Variants in POLL observed in about 807,000 individuals in gnomAD.
POLL encodes the protein DNA polymerase beta-2.
POLL carries 44 observed loss-of-function variants against 58.1 expected under a neutral mutation model. The observed-to-expected ratio is 0.76, with a 90% confidence interval of 0.60 to 0.97. The LOEUF is 0.97. Ranked by LOEUF, POLL falls within the 50% of genes least tolerant of loss-of-function variation. The pLI is 0.00. For synonymous variants in POLL, 290 were observed against 283.2 expected (o/e 1.02, Z -0.24); for missense variants, 632 against 736.8 (o/e 0.86, Z 1.65).
rs1457080629 is a variant in POLL at position 101,587,850 on chromosome 10, G to A, written c.-75C>T. On this transcript the variant is annotated 5_prime_UTR_variant, in exon 1 of 9. Coordinates refer to ENST00000370162, the MANE Select transcript of POLL (RefSeq NM_001174084.2). ...CAACACAGACTCGCAGAGGAAGGAG[G>A]AGGACTTTCGGGGGTGAGTGGGAAC... The A allele has an allele frequency of 2.5e-6, 3 of 1,190,426 alleles. No homozygotes were observed. The highest frequency in any genetic ancestry group is 3.2e-6 in the Non-Finnish European group (3 of 942,402). The allele number at this position is 1,190,426 out of a possible 1,614,324, so 73.7% of individuals were successfully genotyped here.
intron 2 of POLL, 69 bp from the exon 3 acceptor site, chr10:101,586,225 GA>G: frequency 7.4e-7 from 1 of 1,357,328 alleles, no homozygotes; most frequent in Non-Finnish European, 1.0e-6. Flanking sequence ...CCCTGGCCAC[GA>G]CATAACTTCT....
chr10:101,586,088 C>CAA lies in POLL; in HGVS notation c.182_183dup (p.Glu62LeufsTer50). 6.2e-7 allele frequency: 1 copy of CAA among 1,614,020 alleles called. No homozygotes were observed. Among genetic ancestry groups the CAA allele is most frequent in the Non-Finnish European group, 8.5e-7 (1 of 1,180,038 alleles). On this transcript the variant is annotated frameshift_variant, in exon 3 of 9. Transcript: ENST00000370162. LOFTEE classifies it high-confidence loss of function. Reference sequence around the variant, plus strand: ...CCGCCATGCTGAACAATCTGCTTCTCAAAGAGTTCTGCCCGGGCTCGTCCA... The same window carrying CAA: ...CCGCCATGCTGAACAATCTGCTTCTCAAAAAGAGTTCTGCCCGGGCTCGTCCA...
chr10:101,585,598 T>C (rs2063281500), intron 3 of POLL, 120 bp from the exon 4 acceptor site: 3 of 965,672 alleles, frequency 3.1e-6, no homozygotes, highest in African/African-American at 1.6e-5. Context: ...AACGAGTTTT[T>C]TGAGGTTTTT....
chr10:101,584,576 C>T, intron 5 of POLL, 26 bp downstream of exon 5: 1 of 1,502,584 alleles, frequency 6.7e-7, no homozygotes, highest in Non-Finnish European at 8.9e-7. Context: ...GTAAAGACCC[C>T]TCCTCCCACT....
intron 5 of POLL, 109 bp from the exon 6 acceptor site, chr10:101,583,790 CTGGCTGCT>C: frequency 1.1e-6 from 1 of 947,632 alleles, no homozygotes; most frequent in Non-Finnish European, 1.6e-6. Flanking sequence ...AAAAGCCAGC[CTGGCTGCT>C]TGGCAACTGT....
Position 101,587,963 on chromosome 10 carries a change from G to T in POLL, c.-188C>A, listed in dbSNP as rs1235313157. 3 of 1,274,808 alleles carry T rather than the reference G, an allele frequency of 2.4e-6. No individual in the cohort carries two copies. The highest frequency in any genetic ancestry group is 3.1e-6 in the Non-Finnish European group (3 of 983,078). The allele number at this position is 1,274,808 out of a possible 1,614,324, so 79.0% of individuals were successfully genotyped here. ...GAGATGGGGCACGGCCGCAGCAGGT[G>T]TGGGGAGCCCTCCGGGAATGGAGGA... On this transcript the variant is annotated 5_prime_UTR_variant, in exon 1 of 9. Coordinates refer to ENST00000370162, the MANE Select transcript of POLL (RefSeq NM_001174084.2).
rs780165265 is a variant in POLL, at chr10:101,584,843, C to T, written c.650G>A (p.Gly217Asp). The T allele has an allele frequency of 1.5e-5, 23 of 1,514,502 alleles. No homozygotes were observed. The East Asian group carries it at 3.3e-4, about 22-fold the overall frequency. 93.8% of individuals were successfully genotyped at this position (1,514,502 alleles called of 1,614,324 possible). ...SAADLEALISGHYPTSLEGDC... is the reference protein window; with the variant it reads ...SAADLEALISDHYPTSLEGDC... Reference sequence around the variant, plus strand: ...TCCCTCAAGGGAGGTGGGGTAGTGGCCACTGATGAGGGCTTCCAGATCAGC... The same window carrying T: ...TCCCTCAAGGGAGGTGGGGTAGTGGTCACTGATGAGGGCTTCCAGATCAGC... The change falls in exon 5 of 9, where the codon GGC (glycine) becomes GAC (aspartate). Residue 217 changes from glycine to aspartate, a missense_variant. By Grantham distance (94) the Gly-to-Asp change is moderately conservative. Coordinates refer to ENST00000370162, the MANE Select transcript of POLL (RefSeq NM_001174084.2).
chr10:101,584,320 A>G (rs914627023), intron 5 of POLL, among the ~76,000 whole-genome samples: 3 of 152,208 alleles, frequency 2.0e-5, no homozygotes, highest in African/African-American at 7.2e-5. Context: ...TCTCTGCTAA[A>G]TAAATGAATA....
At chr10:101,585,188 A>T in intron 4 of POLL, 128 bp downstream of exon 4, 2 of 760,482 alleles carry the variant, frequency 2.6e-6, no homozygotes, top group African/African-American at 1.7e-5. Flanking sequence ...GGGAAGAGCT[A>T]AATGGCTTCA....
At position 101,580,592 on chromosome 10, in the gene POLL, G is replaced by T; in HGVS notation, c.1195-176C>A. On this transcript the variant is annotated intron_variant, in intron 7 of 8. Transcript: ENST00000370162. The surrounding 1 kb of genome is among the most constrained non-coding windows in gnomAD (Gnocchi z 4.1). ...AGCTGCTGTTCTTTCCCTTCGCTAG[G>T]ACAGGAGAGAAGAAAAAGCTCACTG... 2 of 596,262 alleles carry T rather than the reference G, an allele frequency of 3.4e-6. No individual in the cohort carries two copies. The highest frequency in any genetic ancestry group is 5.9e-6 in the Non-Finnish European group (2 of 338,794). The allele number at this position is 596,262 out of a possible 1,614,324, so 36.9% of individuals were successfully genotyped here.
intron 6 of POLL, 43 bp downstream of exon 6, chr10:101,583,465 G>A: frequency 6.2e-7 from 1 of 1,605,904 alleles, no homozygotes; most frequent in Non-Finnish European, 8.5e-7. Flanking sequence ...CAGGAACTCT[G>A]AGACACAGCA....
intron 7 of POLL, 54 bp downstream of exon 7, chr10:101,582,709 C>G (rs1448598362): frequency 6.3e-7 from 1 of 1,597,366 alleles, no homozygotes; most frequent in Non-Finnish European, 8.6e-7. Context: ...GGCTTTGACC[C>G]AAGACCTTAC....
Position 101,588,006 on chromosome 10 carries a change from G to GA in POLL, c.-232dup. On this transcript the variant is annotated 5_prime_UTR_variant, in exon 1 of 9. Transcript: ENST00000370162. The stretch of plus-strand genomic sequence containing the variant: ...ATGGAGGAGTCTCGCAGCTGCGGGT[G>GA]AAGTCCCGGGCAGGTGCGGTGTACT... The GA allele has an allele frequency of 7.5e-7, 1 of 1,339,610 alleles. No individual in the cohort carries two copies. Among genetic ancestry groups the GA allele is most frequent in the Non-Finnish European group, 9.8e-7 (1 of 1,022,002 alleles). The allele number at this position is 1,339,610 out of a possible 1,614,324, so 83.0% of individuals were successfully genotyped here.
rs1026088838 is a variant in POLL, at chr10:101,580,734, C to A, written c.1195-318G>T. 1.9e-4 allele frequency: 48 copies of A among 253,354 alleles called. No homozygotes were observed. The highest frequency in any genetic ancestry group is 2.6e-3 in the Middle Eastern group (2 of 758). The allele number at this position is 253,354 out of a possible 1,614,324, so 15.7% of individuals were successfully genotyped here. ...GTAGGGAGACACAGACTCTCTCTGC[C>A]CCTGCCCCAGCCCACGTGCCCAGGT... On this transcript the variant is annotated intron_variant, in intron 7 of 8. Transcript: ENST00000370162. This position sits in a 1 kb window ranked among gnomAD's most constrained non-coding sequence, Gnocchi z 4.1.
rs2062926589 is a variant in POLL, at chr10:101,580,486, C to T, written c.1195-70G>A. The T allele has an allele frequency of 7.1e-7, 1 of 1,411,964 alleles. No homozygotes were observed. The allele number at this position is 1,411,964 out of a possible 1,614,324, so 87.5% of individuals were successfully genotyped here. A position where few individuals can be genotyped will look rare whatever the true frequency, so the allele number is the denominator to read the frequency against. Reference sequence around the variant, plus strand: ...CTCCTCTCCCACAGCAGTACAAGGGCCTTCCCAGACTCGGGCCCACACCCT... The same window carrying T: ...CTCCTCTCCCACAGCAGTACAAGGGTCTTCCCAGACTCGGGCCCACACCCT... On this transcript the variant is annotated intron_variant, in intron 7 of 8. Coordinates refer to ENST00000370162, the MANE Select transcript of POLL (RefSeq NM_001174084.2). This position sits in a 1 kb window ranked among gnomAD's most constrained non-coding sequence, Gnocchi z 4.1.
rs1564871533 is a variant in POLL at position 101,584,665 on chromosome 10, G to A, written c.828C>T (p.Ala276=). 6.2e-7 allele frequency: 1 copy of A among 1,613,026 alleles called. No individual in the cohort carries two copies. Among genetic ancestry groups the A allele is most frequent in the Non-Finnish European group, 8.5e-7 (1 of 1,179,580 alleles). Residue 276 remains alanine, a synonymous_variant, in exon 5 of 9, where the codon GCC becomes GCT. Coordinates refer to ENST00000370162, the MANE Select transcript of POLL (RefSeq NM_001174084.2). The stretch of plus-strand genomic sequence containing the variant: ...CATTGATGGCCTTGGCATAGCCCAG[G>A]GCCCTCCACTTGTCTCCCTGAACAC... ...AYSVQGDKWR[A]LGYAKAINAL... is the part of the protein sequence containing the mutation.
At chr10:101,582,742 T>G (rs1439164897) in intron 7 of POLL, 21 bp downstream of exon 7, 1 of 1,610,194 alleles carries the variant, frequency 6.2e-7, no homozygotes, top group Non-Finnish European at 8.5e-7. Flanking sequence ...CTGTCCTCAC[T>G]GCTCTGGGAC....
intron 5 of POLL, 57 bp downstream of exon 5, chr10:101,584,544 TG>T: frequency 7.8e-7 from 1 of 1,277,084 alleles, no homozygotes; most frequent in Non-Finnish European, 1.1e-6. Flanking sequence ...TGAACCCCAC[TG>T]GGGTTACTAA....
rs2063191276 is a variant in POLL, at chr10:101,584,592, C to T, written c.891+10G>A. 1.3e-6 allele frequency: 2 copies of T among 1,535,088 alleles called. No individual in the cohort carries two copies. The highest frequency in any genetic ancestry group is 1.4e-5 in the African/African-American group (1 of 72,742). ...TAAAGACCCCTCCTCCCACTCTAGC[C>T]CCTGGGTACCTGGTACGAGGTGACA... On this transcript the variant is annotated intron_variant, in intron 5 of 8. Coordinates refer to ENST00000370162, the MANE Select transcript of POLL (RefSeq NM_001174084.2).
Sources: allele counts gnomAD v4.1 joint callset (sites outside exome capture counted in the v4.1 genomes callset), GRCh38; gene constraint gnomAD v4.1.1; non-coding constraint Gnocchi (gnomAD v3.1); transcripts MANE v1.5; gene names NCBI Gene and HGNC (gene_info 2026-07-23, HGNC 2026-07-21).